Variants in RBFOX1 observed in about 807,000 individuals in gnomAD.
The protein encoded by RBFOX1 is RNA binding protein fox-1 homolog 1.
In RBFOX1, 8 loss-of-function variants were observed where a neutral mutation model predicts 57.7. The ratio of observed to expected loss-of-function variants is 0.14; its 90% CI spans 0.08 to 0.25. The LOEUF is 0.25. Among genes scored for constraint, RBFOX1 ranks in the 10% least tolerant of loss-of-function variants. RBFOX1 has a pLI of 1.00. For synonymous variants in RBFOX1, 326 were observed against 222.4 expected, an observed-to-expected ratio of 1.47 and a Z score of -4.15; for missense variants, 611 against 548.5, an observed-to-expected ratio of 1.11 and a Z score of -1.14.
chr16:7,339,569 A>G (rs1320521372), intron 4 of RBFOX1, among the ~76,000 whole-genome samples: 3 of 152,126 alleles, frequency 2.0e-5, no homozygotes, highest in Non-Finnish European at 4.4e-5. Context: ...CCTCCTGAGT[A>G]TCTGGGACCG....
chr16:6,779,917 T>TTA (rs1163834998), intron 3 of RBFOX1, among the ~76,000 whole-genome samples: 7 of 2,270 alleles, frequency 3.1e-3, no homozygotes, highest in South Asian at 0.013. Context: ...ATTTATATAT[T>TTA]TATATATATT....
chr16:6,983,314 A>T (rs1014053914), intron 3 of RBFOX1, among the ~76,000 whole-genome samples: 2 of 152,056 alleles, frequency 1.3e-5, no homozygotes, highest in African/African-American at 4.8e-5. Context: ...TTTGTCCATT[A>T]TTTCTTTAGC....
At chr16:6,613,323 C>T (rs1021083924) in intron 2 of RBFOX1, among the ~76,000 whole-genome samples, 1 of 151,990 alleles carries the variant, frequency 6.6e-6, no homozygotes, top group South Asian at 2.1e-4. Context: ...AGAGCAATTT[C>T]CTTTGAATGC....
At chr16:5,442,584 G>A (rs754812321) in intron 1 of RBFOX1, among the ~76,000 whole-genome samples, 2 of 152,194 alleles carry the variant, frequency 1.3e-5, no homozygotes, top group East Asian at 1.9e-4. Context: ...AGGGAGGACA[G>A]CCATGTTTCC....
intron 4 of RBFOX1, among the ~76,000 whole-genome samples, chr16:7,348,376 C>G (rs536277628): frequency 9.4e-4 from 143 of 151,912 alleles, no homozygotes; most frequent in African/African-American, 3.3e-3. Context: ...ATAGGAACAC[C>G]TTTTGAAATA....
intron 1 of RBFOX1, among the ~76,000 whole-genome samples, chr16:6,091,332 A>T (rs2096170203): frequency 6.6e-6 from 1 of 152,110 alleles, no homozygotes; most frequent in Admixed American, 6.6e-5. Flanking sequence ...TCAGAAGAAG[A>T]TTTGTCTGAC....
chr16:6,937,452 AG>A lies in RBFOX1; in HGVS notation c.-15-114604del, dbSNP rs551306842. Among the ~76,000 whole-genome samples, 5 of 152,268 alleles carry A rather than the reference AG, an allele frequency of 3.3e-5. No individual in the cohort carries two copies. In the East Asian group the frequency reaches 9.7e-4, roughly 29 times the overall value. ...TGGCCATTCAGATGTCAATGAAAAG[AG>A]TCAAACTCTGTAAAACGGTGAAGAT... On this transcript the variant is annotated intron_variant, in intron 3 of 15. Transcript: ENST00000550418.
At chr16:6,973,077 G>C (rs2085946105) in intron 3 of RBFOX1, among the ~76,000 whole-genome samples, 1 of 152,094 alleles carries the variant, frequency 6.6e-6, no homozygotes, top group South Asian at 2.1e-4. Flanking sequence ...GCTGCAGTGA[G>C]CTGAGATTGC....
chr16:6,752,650 G>T (rs1568463449), intron 3 of RBFOX1, among the ~76,000 whole-genome samples: 1 of 152,064 alleles, frequency 6.6e-6, no homozygotes, highest in Admixed American at 6.6e-5. Flanking sequence ...CCCTGCTCTG[G>T]AATACCGGTA....
At chr16:6,827,743 C>T (rs935107690) in intron 3 of RBFOX1, among the ~76,000 whole-genome samples, 4 of 152,166 alleles carry the variant, frequency 2.6e-5, no homozygotes, top group Non-Finnish European at 4.4e-5. Flanking sequence ...CTACATGGAT[C>T]TCCGGTCACC....
chr16:5,931,471 A>C (rs560556201), intron 4 of RBFOX1, among the ~76,000 whole-genome samples: 10 of 152,116 alleles, frequency 6.6e-5, no homozygotes, highest in Non-Finnish European at 1.3e-4. Flanking sequence ...GTTAACAGAG[A>C]AGGAGAGTGG....
intron 2 of RBFOX1, among the ~76,000 whole-genome samples, chr16:6,511,991 C>T (rs2096264589): frequency 6.6e-6 from 1 of 151,956 alleles, no homozygotes; most frequent in Non-Finnish European, 1.5e-5. Flanking sequence ...AGAGAACAAG[C>T]AGGACATGGT....
At chr16:6,853,628 T>A (rs577122959) in intron 3 of RBFOX1, among the ~76,000 whole-genome samples, 1 of 152,234 alleles carries the variant, frequency 6.6e-6, no homozygotes, top group East Asian at 1.9e-4. Context: ...TGGGATTAAT[T>A]TGCATGGCCC....
At chr16:6,233,373 C>T (rs191339641) in intron 1 of RBFOX1, among the ~76,000 whole-genome samples, 5 of 152,146 alleles carry the variant, frequency 3.3e-5, no homozygotes, top group African/African-American at 4.8e-5. Context: ...CCATCTCCCC[C>T]GGGTGGTTGC....
At chr16:7,460,194 AGCT>A (rs1356410441) in intron 4 of RBFOX1, among the ~76,000 whole-genome samples, 1 of 151,604 alleles carries the variant, frequency 6.6e-6, no homozygotes, top group East Asian at 1.9e-4. Context: ...TTTCTATTAT[AGCT>A]GCCATTGCTC....
In RBFOX1 at chr16:7,255,385, T is replaced by C. The variant is rs1399907994; in HGVS notation, c.27+203287T>C. Among the ~76,000 whole-genome samples, 4 of 152,224 alleles carry C rather than the reference T, an allele frequency of 2.6e-5. No homozygotes were observed. In the East Asian group the frequency reaches 7.7e-4, roughly 29 times the overall value. ...AATAATAGTGACTACTTGGTAACAA[T>C]ATAAGTATCCACTGATAGGGGATTG... On this transcript the variant is annotated intron_variant, in intron 4 of 15. Coordinates refer to ENST00000550418, the MANE Select transcript of RBFOX1 (RefSeq NM_018723.4).
chr16:7,262,632 T>C (rs2153074906), intron 4 of RBFOX1, among the ~76,000 whole-genome samples: 1 of 152,356 alleles, frequency 6.6e-6, no homozygotes, highest in African/African-American at 2.4e-5. Flanking sequence ...TCTCTGCAGC[T>C]TTGATAGCTG....
intron 2 of RBFOX1, among the ~76,000 whole-genome samples, chr16:6,441,282 T>C (rs1366361511): frequency 6.6e-6 from 1 of 152,146 alleles, no homozygotes; most frequent in South Asian, 2.1e-4. Context: ...GGGGAACAAA[T>C]AGGACCCAGA....
chr16:6,381,328 C>G (rs2091792441), intron 2 of RBFOX1, among the ~76,000 whole-genome samples: 1 of 152,142 alleles, frequency 6.6e-6, no homozygotes, highest in African/African-American at 2.4e-5. Context: ...TCACCTCCCT[C>G]CCACCCTTCC....
Sources: allele counts gnomAD v4.1 joint callset (sites outside exome capture counted in the v4.1 genomes callset), GRCh38; gene constraint gnomAD v4.1.1; transcripts MANE v1.5; gene names NCBI Gene and HGNC (gene_info 2026-07-23, HGNC 2026-07-21).